Variants in IGSF10 observed in about 807,000 individuals in gnomAD.
IGSF10 encodes immunoglobulin superfamily member 10, also known as calvaria mechanical force protein 608.
IGSF10 carries 126 observed loss-of-function variants against 128.2 expected under a neutral mutation model. The ratio of observed to expected loss-of-function variants is 0.98; its 90% CI spans 0.85 to 1.14. The LOEUF (loss-of-function observed/expected upper bound fraction) is 1.14. Ranked by LOEUF, IGSF10 falls within the 50% of genes most tolerant of loss-of-function variation. IGSF10 has a pLI of 0.00. For synonymous variants in IGSF10, 1,185 were observed against 1,146.2 expected (o/e 1.03, Z -0.68); for missense variants, 3,295 against 3,149.8 (o/e 1.05, Z -1.10).
the IGSF10 span, among the ~76,000 whole-genome samples, chr3:151,567,470 T>G: frequency 6.6e-6 from 1 of 152,168 alleles, no homozygotes; most frequent in Non-Finnish European, 1.5e-5. Flanking sequence ...ACTTGAACTT[T>G]ATTTTCTTAT....
chr3:151,445,417 C>A lies in IGSF10; in HGVS notation c.4564G>T (p.Val1522Phe). The A allele has an allele frequency of 6.2e-7, 1 of 1,614,200 alleles. No individual in the cohort carries two copies. Among genetic ancestry groups the A allele is most frequent in the Non-Finnish European group, 8.5e-7 (1 of 1,180,042 alleles). The stretch of plus-strand genomic sequence containing the variant: ...GGGTGAACCTTGGGGGATGTTGCAA[C>A]CTCTGCTACTAATTGCTGTGGTTTA... Reference protein sequence around the residue: ...NAKPQQLVAEVATSPKVHPNA... With the variant: ...NAKPQQLVAEFATSPKVHPNA... Residue 1522 changes from valine to phenylalanine, a missense_variant, in exon 6 of 8, where the codon GTT becomes TTT. Coordinates refer to ENST00000282466, the MANE Select transcript of IGSF10 (RefSeq NM_178822.5).
the IGSF10 span, among the ~76,000 whole-genome samples, chr3:151,604,095 G>A: frequency 6.6e-6 from 1 of 152,070 alleles, no homozygotes; most frequent in Non-Finnish European, 1.5e-5. Context: ...TTCTGATAAT[G>A]TAGATATTCA....
At chr3:151,467,503 T>C in the IGSF10 span, among the ~76,000 whole-genome samples, 2 of 152,066 alleles carry the variant, frequency 1.3e-5, no homozygotes, top group Non-Finnish European at 2.9e-5. Context: ...AGCTCAAGAA[T>C]GGATGGCAGT....
At chr3:151,522,889 G>A in the IGSF10 span, among the ~76,000 whole-genome samples, 3 of 152,162 alleles carry the variant, frequency 2.0e-5, no homozygotes, top group South Asian at 6.2e-4. Context: ...GAGGAAGTCA[G>A]ACTATCTCTA....
At chr3:151,483,818 TTCCCTCCAGTTCCTATG>T in the IGSF10 span, among the ~76,000 whole-genome samples, 6 of 152,290 alleles carry the variant, frequency 3.9e-5, no homozygotes, top group African/African-American at 1.4e-4. Context: ...GACCAGGAGA[TTCCCTCCAGTTCCTATG>T]TCCCTAGGGC....
At chr3:151,577,051 G>C in the IGSF10 span, among the ~76,000 whole-genome samples, 1 of 152,084 alleles carries the variant, frequency 6.6e-6, no homozygotes, top group Non-Finnish European at 1.5e-5. Flanking sequence ...CTCAGCTTTG[G>C]AGTCTGCCCT....
chr3:151,608,474 A>G, the IGSF10 span, among the ~76,000 whole-genome samples: 2 of 152,212 alleles, frequency 1.3e-5, 1 homozygote, highest in South Asian at 4.1e-4. Context: ...CCAATGACCT[A>G]AGAGCAAATG....
At chr3:151,569,145 C>G in the IGSF10 span, among the ~76,000 whole-genome samples, 2 of 152,186 alleles carry the variant, frequency 1.3e-5, no homozygotes, top group South Asian at 2.1e-4. Context: ...GATCTTGACT[C>G]ACTGCAACCT....
the IGSF10 span, among the ~76,000 whole-genome samples, chr3:151,497,811 A>G: frequency 2.8e-4 from 43 of 152,270 alleles, no homozygotes; most frequent in Middle Eastern, 3.4e-3. Context: ...ATCCATGAGC[A>G]TGGAATGTTC....
the IGSF10 span, among the ~76,000 whole-genome samples, chr3:151,619,430 ATGTGTGTGTGTGTGTGTGTGTGTG>A: frequency 6.9e-6 from 1 of 144,238 alleles, no homozygotes; most frequent in Non-Finnish European, 1.5e-5. Context: ...ATTACTTTTA[ATGTGTGTGTGTGTGTGTGTGTGTG>A]TGTGTGTGTG....
At position 151,449,064 on chromosome 3, in the gene IGSF10, G is replaced by C. The variant is rs767519486; in HGVS notation, c.917C>G (p.Pro306Arg). 4 of 1,614,190 alleles carry C rather than the reference G, an allele frequency of 2.5e-6. No individual in the cohort carries two copies. The South Asian group carries it at 4.4e-5, about 18-fold the overall frequency. Residue 306 changes from proline to arginine, a missense_variant, in exon 6 of 8, where the codon CCC becomes CGC. Transcript: ENST00000282466. ...LEDSSSAFIS[P>R]QGFMAPFGSL... ...GCCAAAGGGTGCCATGAAACCTTGG[G>C]GAGAGATGAAAGCAGAACTACTGTC... is the stretch of plus-strand genomic sequence containing the variant.
chr3:151,451,255 A>G (rs1488420139), intron 5 of IGSF10, among the ~76,000 whole-genome samples: 1 of 150,806 alleles, frequency 6.6e-6, no homozygotes, highest in African/African-American at 2.4e-5. Context: ...GTCTTTCATC[A>G]TGACCCAAGT....
chr3:151,514,858 C>A, the IGSF10 span, among the ~76,000 whole-genome samples: 1 of 152,062 alleles, frequency 6.6e-6, no homozygotes, highest in Non-Finnish European at 1.5e-5. Context: ...CCAAAAAACA[C>A]GTGAAAAAAT....
the IGSF10 span, among the ~76,000 whole-genome samples, chr3:151,477,588 T>C: frequency 6.6e-6 from 1 of 152,194 alleles, no homozygotes; most frequent in Non-Finnish European, 1.5e-5. Flanking sequence ...TATTAGGAAA[T>C]TATGAGAGAA....
chr3:151,463,608 G>T (rs1430698484), upstream of IGSF10, among the ~76,000 whole-genome samples: 8 of 127,996 alleles, frequency 6.3e-5, no homozygotes, highest in Non-Finnish European at 1.2e-4. Context: ...GTGCAATGGC[G>T]CAATCTCGGC....
the IGSF10 span, among the ~76,000 whole-genome samples, chr3:151,553,929 CA>C: frequency 1.3e-4 from 19 of 150,956 alleles, no homozygotes; most frequent in Non-Finnish European, 2.2e-4. Context: ...GCTTGGGTAA[CA>C]AGCTAGACCT....
the IGSF10 span, among the ~76,000 whole-genome samples, chr3:151,476,481 T>C: frequency 6.6e-6 from 1 of 152,170 alleles, no homozygotes; most frequent in African/African-American, 2.4e-5. Flanking sequence ...TGCTACATTG[T>C]ACCCGGATGG....
chr3:151,464,086 T>C (rs1249708041), upstream of IGSF10, among the ~76,000 whole-genome samples: 2 of 152,210 alleles, frequency 1.3e-5, no homozygotes, highest in African/African-American at 2.4e-5. Context: ...GTTAATTGAG[T>C]GTATAATTTG....
chr3:151,472,288 G>A, the IGSF10 span, among the ~76,000 whole-genome samples: 1 of 152,166 alleles, frequency 6.6e-6, no homozygotes, highest in Non-Finnish European at 1.5e-5. Context: ...TCTTGCAATA[G>A]TTTGCATGTT....
Sources: gnomAD v4.1 joint callset for allele counts (sites outside exome capture counted in the v4.1 genomes callset) on GRCh38, gnomAD v4.1.1 for gene constraint, MANE v1.5 for transcripts, NCBI Gene and HGNC (gene_info 2026-07-23, HGNC 2026-07-21) for gene names.